The following RBM27 variants were observed in gnomAD, a reference collection of about 807,000 sequenced individuals.
RBM27 encodes RNA-binding protein 27.
RBM27 carries 22 observed loss-of-function variants against 135.3 expected under a neutral mutation model. That is an observed-to-expected ratio of 0.16 (90% CI 0.12 to 0.23). The LOEUF is 0.23. Among genes scored for constraint, RBM27 ranks in the 10% least tolerant of loss-of-function variants. RBM27 has a pLI of 1.00. For missense variants in RBM27, 1,009 were observed against 1,281.0 expected (o/e 0.79, Z 3.24); for synonymous variants, 481 against 442.4 (o/e 1.09, Z -1.10).
chr5:146,215,344 C>G (rs2126696647), intron 1 of RBM27, among the ~76,000 whole-genome samples: 1 of 152,288 alleles, frequency 6.6e-6, no homozygotes, highest in East Asian at 1.9e-4. Flanking sequence ...GCCACTGCAC[C>G]CAGCCGATAT....
At chr5:146,231,753 G>T (rs1430651378) in intron 6 of RBM27, among the ~76,000 whole-genome samples, 5 of 152,050 alleles carry the variant, frequency 3.3e-5, no homozygotes, top group Admixed American at 6.6e-5. Context: ...AAGTAGCTGG[G>T]ATTATAGGCG....
chr5:146,244,897 A>G (rs1382534314), intron 8 of RBM27, among the ~76,000 whole-genome samples: 1 of 151,844 alleles, frequency 6.6e-6, no homozygotes, highest in Non-Finnish European at 1.5e-5. Flanking sequence ...TTTTAGAAAT[A>G]GGGTCTTGCT....
At chr5:146,216,499 T>C (rs1756199508) in intron 1 of RBM27, among the ~76,000 whole-genome samples, 2 of 152,172 alleles carry the variant, frequency 1.3e-5, no homozygotes, top group East Asian at 3.8e-4. Context: ...TAGCTGTCTT[T>C]TTTTGTGTGG....
chr5:146,226,056 C>T (rs553206824), intron 3 of RBM27, among the ~76,000 whole-genome samples: 10 of 130,292 alleles, frequency 7.7e-5, no homozygotes, highest in African/African-American at 1.1e-4. Context: ...TCAGTAGAGA[C>T]GGGGTTTCAC....
chr5:146,271,437 T>G, intron 18 of RBM27, 46 bp from the exon 19 acceptor site: 1 of 1,480,498 alleles, frequency 6.8e-7, no homozygotes, highest in Non-Finnish European at 9.2e-7. Context: ...TTTTTAAGGT[T>G]TAGTCTAATA....
intron 8 of RBM27, among the ~76,000 whole-genome samples, chr5:146,245,876 A>G (rs1233824623): frequency 1.3e-5 from 2 of 152,126 alleles, no homozygotes; most frequent in African/African-American, 4.8e-5. Flanking sequence ...TTTGTGGAAA[A>G]ATTGTATTCT....
rs1180580806 is a variant in RBM27, at chr5:146,228,948, A to G, written c.306A>G (p.Val102=). 6.2e-7 allele frequency: 1 copy of G among 1,612,632 alleles called. No homozygotes were observed. The highest frequency in any genetic ancestry group is 8.5e-7 in the Non-Finnish European group (1 of 1,179,020). The change falls in exon 4 of 21, where the codon GTA becomes GTG. Residue 102 remains valine, a splice_region_variant and synonymous_variant. Transcript: ENST00000265271. ...TTCTACTCAATATTTTCATATAGGTATTTCAGGAGCCAGCAGAGGAAGAAC... is the reference window on the plus strand; with the variant it reads ...TTCTACTCAATATTTTCATATAGGTGTTTCAGGAGCCAGCAGAGGAAGAAC... The part of the protein sequence containing the change: ...VQEKEEIKEE[V]FQEPAEEERD...
intron 19 of RBM27, among the ~76,000 whole-genome samples, chr5:146,272,286 T>A (rs898537266): frequency 6.6e-6 from 1 of 152,210 alleles, no homozygotes. Context: ...ACATGTGAAA[T>A]CCTGTGTGTA....
At chr5:146,226,707 T>TA (rs1039138418) in intron 3 of RBM27, among the ~76,000 whole-genome samples, 12 of 151,024 alleles carry the variant, frequency 7.9e-5, no homozygotes, top group African/African-American at 1.2e-4. Flanking sequence ...AGAACAGTTT[T>TA]AAAAAAAAAC....
intron 19 of RBM27, among the ~76,000 whole-genome samples, chr5:146,278,222 A>G (rs1331054474): frequency 4.6e-5 from 7 of 152,166 alleles, no homozygotes; most frequent in Admixed American, 4.6e-4. Flanking sequence ...ATCGGGGAAA[A>G]TGGCTGGACT....
chr5:146,285,828 G>GC (rs1447969486), intron 20 of RBM27, 119 bp from the exon 21 acceptor site: 5 of 626,068 alleles, frequency 8.0e-6, no homozygotes, highest in South Asian at 4.0e-5. Flanking sequence ...ACTCTTGCAT[G>GC]CATCCCTTAT....
At chr5:146,283,580 A>G (rs1759456509) in intron 19 of RBM27, among the ~76,000 whole-genome samples, 1 of 152,054 alleles carries the variant, frequency 6.6e-6, no homozygotes, top group Non-Finnish European at 1.5e-5. Context: ...TGGTAGGGCT[A>G]TTTTGATACA....
chr5:146,240,540 T>C (rs1303604730), intron 8 of RBM27, among the ~76,000 whole-genome samples: 1 of 152,198 alleles, frequency 6.6e-6, no homozygotes, highest in South Asian at 2.1e-4. Context: ...TTGGCTAGGC[T>C]GGTCTCGAAC....
rs771008792 is a variant in RBM27 at position 146,251,794 on chromosome 5, C to T, written c.1363C>T (p.Arg455Cys). The T allele has an allele frequency of 8.7e-6, 14 of 1,613,740 alleles. No homozygotes were observed. Among genetic ancestry groups the T allele is most frequent in the Non-Finnish European group, 1.1e-5 (13 of 1,179,658 alleles). The change falls in exon 9 of 21, where the codon CGT (arginine) becomes TGT (cysteine). Residue 455 changes from arginine to cysteine, a missense_variant. By Grantham distance (180) the Arg-to-Cys change is radical. Around this residue, in one of 6 missense-constraint regions of RBM27, gnomAD observed 329 missense variants for 368.1 expected, o/e 0.89. Transcript: ENST00000265271. ...GACACCGCCTCCTCTGTTGGCAGCTCGTTTGGTGCCACCTCGAAACCTCAT... is the reference window on the plus strand; with the variant it reads ...GACACCGCCTCCTCTGTTGGCAGCTTGTTTGGTGCCACCTCGAAACCTCAT... ...LGTPPPLLAA[R>C]LVPPRNLMGS...
chr5:146,239,564 GC>G lies in RBM27; in HGVS notation c.1279+2134del, dbSNP rs1365873005. ...GCAATCTCAACTCCCTGCAACCTTT[GC>G]CTCCCGGGTTCAAGCAATTCTTGTG... is the stretch of plus-strand genomic sequence containing the variant. On this transcript the variant is annotated intron_variant, in intron 8 of 20. Transcript: ENST00000265271. Among the ~76,000 whole-genome samples the G allele has an allele frequency of 1.3e-4, 17 of 134,076 alleles. No homozygotes were observed. In the East Asian group the frequency reaches 3.5e-3, roughly 28 times the overall value. The allele number at this position is 134,076 out of a possible 152,430, so 88.0% of individuals were successfully genotyped here.
intron 19 of RBM27, among the ~76,000 whole-genome samples, chr5:146,278,262 C>G (rs1759175673): frequency 6.6e-6 from 1 of 152,038 alleles, no homozygotes. Context: ...CAGCTTCTAC[C>G]AAGAACCCTA....
In RBM27 at chr5:146,284,700, A is replaced by G; in HGVS notation, c.3067A>G (p.Thr1023Ala). The G allele has an allele frequency of 6.2e-7, 1 of 1,612,244 alleles. No homozygotes were observed. Among genetic ancestry groups the G allele is most frequent in the Non-Finnish European group, 8.5e-7 (1 of 1,178,920 alleles). Residue 1023 changes from threonine to alanine, a missense_variant, in exon 20 of 21, where the codon ACT (threonine) becomes GCT (alanine). Physicochemically the swap from Thr to Ala is moderately conservative, Grantham distance 58. Coordinates refer to ENST00000265271, the MANE Select transcript of RBM27 (RefSeq NM_018989.2). ...WHKPKVPSIS[T>A]ETEEEEVKEE... ...CAAGCCCAAGGTACCATCTATATCC[A>G]CTGAGACTGAAGAAGAAGAAGTCAA...
intron 7 of RBM27, 36 bp from the exon 8 acceptor site, chr5:146,237,262 A>G (rs761815736): frequency 2.3e-5 from 37 of 1,612,766 alleles, no homozygotes; most frequent in Non-Finnish European, 3.0e-5. Context: ...GGAAATATTA[A>G]TGCTGTACTT....
At chr5:146,273,559 A>G (rs954623418) in intron 19 of RBM27, among the ~76,000 whole-genome samples, 1 of 152,158 alleles carries the variant, frequency 6.6e-6, no homozygotes, top group Non-Finnish European at 1.5e-5. Context: ...CTAGGAGCAC[A>G]CTTCCCTGAT....
Sources: gnomAD v4.1 joint callset for allele counts (sites outside exome capture counted in the v4.1 genomes callset) on GRCh38, gnomAD v4.1.1 for gene constraint, gnomAD v4.1.1 regional missense constraint, MANE v1.5 for transcripts, NCBI Gene and HGNC (gene_info 2026-07-23, HGNC 2026-07-21) for gene names.